ZFAT: variants seen among roughly 807,000 people sequenced by gnomAD.
The protein encoded by ZFAT is zinc finger and AT-hook domain containing.
A neutral mutation model predicts 117.7 loss-of-function variants in ZFAT; 64 were observed. The ratio of observed to expected loss-of-function variants is 0.54; its 90% CI spans 0.44 to 0.67. The LOEUF (loss-of-function observed/expected upper bound fraction) is 0.67. Among genes scored for constraint, ZFAT ranks in the 30% least tolerant of loss-of-function variants. The pLI, the probability that ZFAT is intolerant of heterozygous loss-of-function variation, is 0.00. For missense variants in ZFAT, 1,433 were observed against 1,584.5 expected, an observed-to-expected ratio of 0.90 and a Z score of 1.62; for synonymous variants, 679 against 615.0, an observed-to-expected ratio of 1.10 and a Z score of -1.54.
intron 1 of ZFAT, among the ~76,000 whole-genome samples, chr8:134,670,245 A>G (rs915483947): frequency 1.3e-5 from 2 of 152,360 alleles, no homozygotes; most frequent in Middle Eastern, 3.4e-3. Context: ...CTCTGCACCA[A>G]GTGGACCTAG....
chr8:134,823,567 C>G, the ZFAT span, among the ~76,000 whole-genome samples: 4 of 152,346 alleles, frequency 2.6e-5, no homozygotes, highest in Non-Finnish European at 5.9e-5. Flanking sequence ...TAAGACAACA[C>G]AGCTACTGAG....
At chr8:134,494,959 C>T (rs1289776895) in intron 15 of ZFAT, among the ~76,000 whole-genome samples, 1 of 152,200 alleles carries the variant, frequency 6.6e-6, no homozygotes, top group African/African-American at 2.4e-5. Flanking sequence ...TCTTCAAATC[C>T]ACATGACCCA....
the ZFAT span, among the ~76,000 whole-genome samples, chr8:134,830,244 A>G: frequency 6.6e-6 from 1 of 152,234 alleles, no homozygotes; most frequent in South Asian, 2.1e-4. Context: ...TCAGGTTGTA[A>G]CAATTAAGTA....
intron 14 of ZFAT, chr8:134,510,086 C>T (rs1471911862): frequency 4.3e-6 from 2 of 464,474 alleles, no homozygotes; most frequent in East Asian, 6.7e-5. Flanking sequence ...AACATGCGGA[C>T]ATGTGGCTGC....
chr8:134,683,144 C>G (rs570750345), intron 1 of ZFAT, among the ~76,000 whole-genome samples: 2 of 152,262 alleles, frequency 1.3e-5, no homozygotes, highest in Admixed American at 6.5e-5. Flanking sequence ...GAAATGAGCC[C>G]CCTTAGAAGT....
chr8:134,817,398 C>A, the ZFAT span, among the ~76,000 whole-genome samples: 2 of 55,086 alleles, frequency 3.6e-5, no homozygotes, highest in African/African-American at 1.4e-4. Flanking sequence ...TCTCTCTACA[C>A]ACACACACAC....
At chr8:134,610,279 T>C (rs1037568840) in intron 4 of ZFAT, among the ~76,000 whole-genome samples, 191 bp downstream of exon 4, 2 of 152,202 alleles carry the variant, frequency 1.3e-5, no homozygotes, top group African/African-American at 4.8e-5. Flanking sequence ...CCCTCACAGC[T>C]TCTCCTCCAT....
At chr8:134,780,883 T>A in the ZFAT span, among the ~76,000 whole-genome samples, 1 of 152,184 alleles carries the variant, frequency 6.6e-6, no homozygotes, top group Non-Finnish European at 1.5e-5. Context: ...TCACCTCTTG[T>A]CTCAGGAAAC....
chr8:134,613,001 T>A (rs1828452817), intron 3 of ZFAT, among the ~76,000 whole-genome samples: 1 of 152,218 alleles, frequency 6.6e-6, no homozygotes, highest in Non-Finnish European at 1.5e-5. Flanking sequence ...ATTGTCTGAG[T>A]CACAGAAGTT....
chr8:134,508,351 C>A (rs576166209), intron 15 of ZFAT, among the ~76,000 whole-genome samples: 20 of 152,328 alleles, frequency 1.3e-4, no homozygotes, highest in African/African-American at 4.8e-4. Flanking sequence ...ATCACTCAGG[C>A]GTCCTTATGT....
At chr8:134,497,347 G>C (rs1818526828) in intron 15 of ZFAT, among the ~76,000 whole-genome samples, 1 of 152,142 alleles carries the variant, frequency 6.6e-6, no homozygotes, top group East Asian at 1.9e-4. Context: ...CCAGAGGAGG[G>C]GGACTGACAG....
rs1408553249 is a variant in ZFAT, at chr8:134,477,898, G to A, written c.*584C>T. 6.5e-6 allele frequency: 1 copy of A among 153,098 alleles called. No homozygotes were observed. The highest frequency in any genetic ancestry group is 1.5e-5 in the Non-Finnish European group (1 of 68,724). 9.5% of individuals were successfully genotyped at this position (153,098 alleles called of 1,614,324 possible). On this transcript the variant is annotated 3_prime_UTR_variant, in exon 16 of 16. Coordinates refer to ENST00000377838, the MANE Select transcript of ZFAT (RefSeq NM_020863.4). The stretch of plus-strand genomic sequence containing the variant: ...TGAAATAATTCCAGGATGGTAGGGC[G>A]AGACCCTGTGATGGGTGAATTTACC...
chr8:134,668,042 C>T (rs562715728), intron 1 of ZFAT, among the ~76,000 whole-genome samples: 62 of 152,194 alleles, frequency 4.1e-4, no homozygotes, highest in Non-Finnish European at 7.2e-4. Flanking sequence ...AACTGCAAGG[C>T]GGCACTGAGG....
intron 10 of ZFAT, among the ~76,000 whole-genome samples, chr8:134,567,985 T>C (rs1215446526): frequency 6.6e-6 from 1 of 152,188 alleles, no homozygotes; most frequent in Non-Finnish European, 1.5e-5. Context: ...TACCGCCTTG[T>C]ACAAGGCAGG....
the ZFAT span, among the ~76,000 whole-genome samples, chr8:134,789,843 A>C: frequency 6.6e-6 from 1 of 152,222 alleles, no homozygotes; most frequent in Admixed American, 6.5e-5. Context: ...TATTGCTTCC[A>C]GTATAGCTGT....
At chr8:134,530,594 A>G (rs567450988) in intron 12 of ZFAT, among the ~76,000 whole-genome samples, 55 of 152,322 alleles carry the variant, frequency 3.6e-4, no homozygotes. Context: ...TCCTTCTTCA[A>G]CATGTCCCTT....
intron 15 of ZFAT, among the ~76,000 whole-genome samples, chr8:134,490,539 A>G (rs985338638): frequency 1.3e-5 from 2 of 152,210 alleles, no homozygotes; most frequent in African/African-American, 4.8e-5. Flanking sequence ...ATACACAAGG[A>G]GCTGTCACAT....
At chr8:134,636,761 C>T (rs150172313) in intron 3 of ZFAT, among the ~76,000 whole-genome samples, 15 of 152,358 alleles carry the variant, frequency 9.8e-5, no homozygotes, top group African/African-American at 1.4e-4. Flanking sequence ...ATTCCTCCGA[C>T]GAAGGCCATC....
chr8:134,590,031 A>T (rs1253433314), intron 8 of ZFAT, among the ~76,000 whole-genome samples: 2 of 152,236 alleles, frequency 1.3e-5, no homozygotes, highest in African/African-American at 4.8e-5. Context: ...GGCAGAGGGT[A>T]TCACTGAAAT....
Sources: gnomAD v4.1 joint callset for allele counts (sites outside exome capture counted in the v4.1 genomes callset) on GRCh38, gnomAD v4.1.1 for gene constraint, MANE v1.5 for transcripts, NCBI Gene and HGNC (gene_info 2026-07-23, HGNC 2026-07-21) for gene names.